METTL4: variants seen among roughly 807,000 people sequenced by gnomAD.
METTL4 encodes N(6)-adenine-specific methyltransferase METTL4.
METTL4 carries 40 observed loss-of-function variants against 54.0 expected under a neutral mutation model. That is an observed-to-expected ratio of 0.74 (90% CI 0.58 to 0.96). The LOEUF is 0.96. Among genes scored for constraint, METTL4 ranks in the 50% least tolerant of loss-of-function variants. The probability of loss-of-function intolerance (pLI) is 0.00; values close to 1 mark genes in which losing one functional copy is unlikely to be tolerated. For synonymous variants in METTL4, 169 were observed against 183.8 expected, an observed-to-expected ratio of 0.92 and a Z score of 0.65; for missense variants, 525 against 549.0, an observed-to-expected ratio of 0.96 and a Z score of 0.44.
Position 2,567,299 on chromosome 18 carries a change from A to C in METTL4, c.-83T>G. 1 of 1,305,718 alleles carries C rather than the reference A, an allele frequency of 7.7e-7. No individual in the cohort carries two copies. Among genetic ancestry groups the C allele is most frequent in the Non-Finnish European group, 1.1e-6 (1 of 948,462 alleles). 80.9% of individuals were successfully genotyped at this position (1,305,718 alleles called of 1,614,324 possible). A position where few individuals can be genotyped will look rare whatever the true frequency, so the allele number is the denominator to read the frequency against. On this transcript the variant is annotated 5_prime_UTR_variant, in exon 2 of 9. Transcript: ENST00000574538. ...CAGATCAGCTTCTTAAATATCTTGT[A>C]TTTCAATAAACATACACTTCATACA...
intron 2 of METTL4, among the ~76,000 whole-genome samples, chr18:2,565,198 G>A (rs1381256605): frequency 6.6e-6 from 1 of 152,052 alleles, no homozygotes; most frequent in Non-Finnish European, 1.5e-5. Flanking sequence ...AGAATTGCTT[G>A]AACCTGAGAG....
intron 4 of METTL4, chr18:2,553,074 T>C (rs2072187046): frequency 4.8e-6 from 1 of 209,236 alleles, no homozygotes; most frequent in South Asian, 1.6e-4. Context: ...GGCAGCCATA[T>C]TAATATAGTT....
chr18:2,551,928 C>T (rs1009466086), intron 5 of METTL4, among the ~76,000 whole-genome samples: 4 of 152,114 alleles, frequency 2.6e-5, no homozygotes, highest in African/African-American at 9.7e-5. Flanking sequence ...GGCACGGTGG[C>T]TCACGTCTGT....
Position 2,567,248 on chromosome 18 carries a change from G to A in METTL4, c.-32C>T, listed in dbSNP as rs2072435711. On this transcript the variant is annotated 5_prime_UTR_variant, in exon 2 of 9. Transcript: ENST00000574538. ...CCTTTAAAAAAGCCTCTGGGAATTA[G>A]GAACTAGAATGAAAATCCAACTTTC... 6.6e-7 allele frequency: 1 copy of A among 1,525,950 alleles called. No homozygotes were observed. The highest frequency in any genetic ancestry group is 8.8e-7 in the Non-Finnish European group (1 of 1,140,282). 94.5% of individuals were successfully genotyped at this position (1,525,950 alleles called of 1,614,324 possible). A position where few individuals can be genotyped will look rare whatever the true frequency, so the allele number is the denominator to read the frequency against.
At chr18:2,547,629 C>T in intron 5 of METTL4, 100 bp from the exon 6 acceptor site, 2 of 800,798 alleles carry the variant, frequency 2.5e-6, no homozygotes, top group Admixed American at 3.4e-5. Flanking sequence ...AAATGCAAAG[C>T]TCTTACTGCT....
In METTL4 at chr18:2,557,871, T is replaced by C. The variant is rs946547968; in HGVS notation, c.460-2833A>G. ...GCAAGCTAATTTGTTAGCTTCCAAATAGGGTAAAATTTCAGACACTTCACA... is the reference window on the plus strand; with the variant it reads ...GCAAGCTAATTTGTTAGCTTCCAAACAGGGTAAAATTTCAGACACTTCACA... On this transcript the variant is annotated intron_variant, in intron 3 of 8. Coordinates refer to ENST00000574538, the MANE Select transcript of METTL4 (RefSeq NM_022840.5). Among the ~76,000 whole-genome samples the C allele has an allele frequency of 2.0e-4, 31 of 152,156 alleles. 1 individual carries two copies. The highest frequency in any genetic ancestry group is 7.0e-4 in the African/African-American group (29 of 41,426).
intron 5 of METTL4, among the ~76,000 whole-genome samples, chr18:2,547,858 T>G (rs113374709): frequency 3.9e-5 from 6 of 152,342 alleles, no homozygotes; most frequent in African/African-American, 1.4e-4. Flanking sequence ...GATCCCATAC[T>G]CTACGTTACA....
At position 2,538,940 on chromosome 18, in the gene METTL4, A is replaced by T. The variant is rs1365890027; in HGVS notation, c.*60T>A. 1.9e-6 allele frequency: 3 copies of T among 1,550,816 alleles called. No homozygotes were observed. The African/African-American group carries it at 4.1e-5, about 21-fold the overall frequency. On this transcript the variant is annotated 3_prime_UTR_variant, in exon 9 of 9. Transcript: ENST00000574538. ...GTAACAAAATAAAAAAATGACTTAG[A>T]ATTAAGGGAAAAGTGGTGAGGAAAC...
intron 6 of METTL4, among the ~76,000 whole-genome samples, chr18:2,547,073 T>G (rs940281155): frequency 6.6e-6 from 1 of 152,190 alleles, no homozygotes; most frequent in Non-Finnish European, 1.5e-5. Context: ...TTTGTTGTTT[T>G]TTAAACTACA....
intron 1 of METTL4, chr18:2,568,752 CAAA>C (rs552135454): frequency 5.4e-5 from 6 of 112,144 alleles, no homozygotes; most frequent in Non-Finnish European, 7.2e-5. Context: ...AACTACGTCT[CAAA>C]AAAAAAAAAA....
intron 5 of METTL4, among the ~76,000 whole-genome samples, chr18:2,551,032 C>T (rs1485460143): frequency 7.9e-5 from 12 of 151,182 alleles, no homozygotes; most frequent in African/African-American, 1.9e-4. Context: ...GGCGTGGTAG[C>T]GGGCGCCTGT....
In METTL4 at chr18:2,538,219, T is replaced by A; in HGVS notation, c.*781A>T. 1 of 295,642 alleles carries A rather than the reference T, an allele frequency of 3.4e-6. No individual in the cohort carries two copies. Among genetic ancestry groups the A allele is most frequent in the East Asian group, 5.6e-5 (1 of 17,944 alleles). 18.3% of individuals were successfully genotyped at this position (295,642 alleles called of 1,614,324 possible). ...ATCACACTGTTTACTTGCTGCCATG[T>A]TTATTATAAGGAATAGCTTTTCATT... On this transcript the variant is annotated 3_prime_UTR_variant, in exon 9 of 9. Coordinates refer to ENST00000574538, the MANE Select transcript of METTL4 (RefSeq NM_022840.5).
intron 5 of METTL4, among the ~76,000 whole-genome samples, chr18:2,551,790 C>T (rs1014926014): frequency 6.6e-6 from 1 of 152,154 alleles, no homozygotes; most frequent in Non-Finnish European, 1.5e-5. Context: ...AGGTGAGGAT[C>T]ACTGAGGAGA....
intron 2 of METTL4, among the ~76,000 whole-genome samples, chr18:2,565,794 G>C (rs897484730): frequency 6.6e-6 from 1 of 151,984 alleles, no homozygotes; most frequent in Non-Finnish European, 1.5e-5. Context: ...TGTTGAGGCC[G>C]GGTGCAGTGG....
At chr18:2,559,232 T>A (rs979575365) in intron 3 of METTL4, among the ~76,000 whole-genome samples, 1 of 152,120 alleles carries the variant, frequency 6.6e-6, no homozygotes, top group Non-Finnish European at 1.5e-5. Flanking sequence ...CATAAACAAA[T>A]GGATAAACAA....
chr18:2,554,594 T>A, intron 4 of METTL4, 75 bp downstream of exon 4: 1 of 1,397,168 alleles, frequency 7.2e-7, no homozygotes, highest in South Asian at 1.3e-5. Context: ...CATCTTCAAA[T>A]TTCAGACTAG....
At chr18:2,564,989 G>A (rs2072382018) in intron 2 of METTL4, among the ~76,000 whole-genome samples, 1 of 152,070 alleles carries the variant, frequency 6.6e-6, no homozygotes, top group South Asian at 2.1e-4. Context: ...ATAAATATTT[G>A]ATGAAAGGAA....
intron 3 of METTL4, among the ~76,000 whole-genome samples, chr18:2,556,709 T>C (rs1247645559): frequency 6.6e-6 from 1 of 152,004 alleles, no homozygotes; most frequent in Non-Finnish European, 1.5e-5. Context: ...AAAATGAGCA[T>C]ATTAAGAAGT....
chr18:2,543,461 G>A (rs1045436431), intron 8 of METTL4, among the ~76,000 whole-genome samples: 2 of 152,090 alleles, frequency 1.3e-5, no homozygotes, highest in African/African-American at 4.8e-5. Flanking sequence ...CATTCATTGA[G>A]CTTCTATCAC....
Sources: allele counts gnomAD v4.1 joint callset (sites outside exome capture counted in the v4.1 genomes callset), GRCh38; gene constraint gnomAD v4.1.1; transcripts MANE v1.5; gene names NCBI Gene and HGNC (gene_info 2026-07-23, HGNC 2026-07-21).